The following CMTM7 variants were observed in gnomAD, a reference collection of about 807,000 sequenced individuals.
CMTM7 encodes CKLF like MARVEL transmembrane domain containing 7, also known as CKLF-like MARVEL transmembrane domain-containing protein 7.
In CMTM7, 7 loss-of-function variants were observed where a neutral mutation model predicts 19.3. The ratio of observed to expected loss-of-function variants is 0.36; its 90% CI spans 0.21 to 0.68. CMTM7 has a LOEUF of 0.68. Ranked by LOEUF, CMTM7 falls within the 30% of genes least tolerant of loss-of-function variation. The probability of loss-of-function intolerance (pLI) is 0.60; values close to 1 mark genes in which losing one functional copy is unlikely to be tolerated. For missense variants in CMTM7, 193 were observed against 232.6 expected (o/e 0.83, Z 1.11); for synonymous variants, 87 against 99.3 (o/e 0.88, Z 0.74).
intron 1 of CMTM7, among the ~76,000 whole-genome samples, chr3:32,400,221 T>C (rs1371885451): frequency 2.0e-5 from 3 of 151,838 alleles, no homozygotes; most frequent in Non-Finnish European, 1.5e-5. Context: ...GGTTTCTCCA[T>C]GTTGGCCAGG....
At chr3:32,451,986 A>G in intron 3 of CMTM7, 1 of 915,434 alleles carries the variant, frequency 1.1e-6, no homozygotes. Flanking sequence ...GAACAACGCC[A>G]CTACACCACA....
At chr3:32,453,218 A>G (rs1696863004) in intron 4 of CMTM7, among the ~76,000 whole-genome samples, 1 of 152,078 alleles carries the variant, frequency 6.6e-6, no homozygotes. Context: ...AGGCAAGAGG[A>G]TCACCTGAGC....
At chr3:32,423,222 G>A (rs1161306205) in intron 1 of CMTM7, among the ~76,000 whole-genome samples, 1 of 152,176 alleles carries the variant, frequency 6.6e-6, no homozygotes, top group African/African-American at 2.4e-5. Flanking sequence ...AGTAGCTCGA[G>A]TAGAGAAAAG....
At chr3:32,447,042 A>T (rs12638540) in intron 2 of CMTM7, among the ~76,000 whole-genome samples, 1 of 152,116 alleles carries the variant, frequency 6.6e-6, no homozygotes, top group Non-Finnish European at 1.5e-5. Flanking sequence ...CTCCTTTAAT[A>T]TTGGCATTTA....
intron 1 of CMTM7, among the ~76,000 whole-genome samples, chr3:32,438,705 A>G (rs1470876858): frequency 6.6e-6 from 1 of 152,226 alleles, no homozygotes; most frequent in Non-Finnish European, 1.5e-5. Flanking sequence ...TTTCATGAGC[A>G]AGTTTCCCAG....
Position 32,406,302 on chromosome 3 carries a change from A to G in CMTM7, c.159+14237A>G, listed in dbSNP as rs183280905. ...CCTTTTGTTATCTAGCCGTGCTGTAATGGTTACTCTTGTACATATCATAGT... is the reference window on the plus strand; with the variant it reads ...CCTTTTGTTATCTAGCCGTGCTGTAGTGGTTACTCTTGTACATATCATAGT... On this transcript the variant is annotated intron_variant, in intron 1 of 4. Transcript: ENST00000334983. Among the ~76,000 whole-genome samples the G allele has an allele frequency of 1.1e-3, 172 of 152,272 alleles. 4 individuals are homozygous for G. The South Asian group carries it at 0.034, about 30-fold the overall frequency.
intron 1 of CMTM7, among the ~76,000 whole-genome samples, chr3:32,396,447 C>T (rs1481146492): frequency 2.6e-5 from 4 of 152,040 alleles, no homozygotes; most frequent in African/African-American, 9.7e-5. Context: ...GCAGAGGTTG[C>T]AGTGAGCTGA....
chr3:32,444,674 A>G (rs1696728663), intron 2 of CMTM7, among the ~76,000 whole-genome samples: 1 of 152,248 alleles, frequency 6.6e-6, no homozygotes, highest in South Asian at 2.1e-4. Context: ...ATCCATGAAC[A>G]TGGGAAGTTT....
At chr3:32,416,818 G>A (rs1696274202) in intron 1 of CMTM7, among the ~76,000 whole-genome samples, 1 of 151,370 alleles carries the variant, frequency 6.6e-6, no homozygotes, top group Non-Finnish European at 1.5e-5. Flanking sequence ...AGAAATTCCA[G>A]GGCAGAGAAA....
chr3:32,405,099 A>G (rs1449305957), intron 1 of CMTM7, among the ~76,000 whole-genome samples: 1 of 152,226 alleles, frequency 6.6e-6, no homozygotes, highest in East Asian at 1.9e-4. Context: ...CTATGGTTAC[A>G]AGAAACTGAA....
Position 32,440,070 on chromosome 3 carries a change from TACACACACAC to T in CMTM7, c.160-1743_160-1734del, listed in dbSNP as rs10526471. Among the ~76,000 whole-genome samples the T allele has an allele frequency of 8.6e-3, 1,292 of 150,174 alleles. 27 individuals are homozygous for T. Among genetic ancestry groups the T allele is most frequent in the African/African-American group, 0.029 (1,177 of 40,816 alleles). ...CACCCATACACTAACACCACACGCA[TACACACACAC>T]ACACACACACACACACACACACACA... On this transcript the variant is annotated intron_variant, in intron 1 of 4. Coordinates refer to ENST00000334983, the MANE Select transcript of CMTM7 (RefSeq NM_138410.4).
intron 1 of CMTM7, among the ~76,000 whole-genome samples, chr3:32,432,671 T>C (rs1451255005): frequency 6.6e-6 from 1 of 152,204 alleles, no homozygotes; most frequent in Non-Finnish European, 1.5e-5. Context: ...AGGAGAGTAA[T>C]AGTGCCTACC....
chr3:32,424,009 A>G (rs1696385080), intron 1 of CMTM7, among the ~76,000 whole-genome samples: 1 of 152,248 alleles, frequency 6.6e-6, no homozygotes, highest in Non-Finnish European at 1.5e-5. Flanking sequence ...CGGATTACTC[A>G]AAAATTTAAT....
chr3:32,418,746 A>G (rs926569483), intron 1 of CMTM7, among the ~76,000 whole-genome samples: 1 of 152,148 alleles, frequency 6.6e-6, no homozygotes, highest in African/African-American at 2.4e-5. Context: ...GTTTTGCTGC[A>G]TTCGTCTATT....
intron 1 of CMTM7, among the ~76,000 whole-genome samples, chr3:32,393,772 CA>C (rs34745605): frequency 0.11 from 10,342 of 92,388 alleles, 369 homozygotes; most frequent in Middle Eastern, 0.21. Context: ...AGGCCTGTCT[CA>C]AAAAAAAAAA....
At chr3:32,442,269 G>A (rs1696689583) in intron 2 of CMTM7, among the ~76,000 whole-genome samples, 1 of 151,930 alleles carries the variant, frequency 6.6e-6, no homozygotes, top group Admixed American at 6.6e-5. Context: ...CCAGCACTTT[G>A]GGAGGCTGAG....
chr3:32,441,910 T>C lies in CMTM7; in HGVS notation c.230T>C (p.Phe77Ser). 6.2e-7 allele frequency: 1 copy of C among 1,614,206 alleles called. No homozygotes were observed. Among genetic ancestry groups the C allele is most frequent in the Non-Finnish European group, 8.5e-7 (1 of 1,180,028 alleles). ...ACCAACTACAGCGCCTACAGCTACT[T>C]TGAAGTGGTCACCATTTGCGACTTG... ...LWTNYSAYSY[F>S]EVVTICDLIM... Residue 77 changes from phenylalanine to serine, a missense_variant, in exon 2 of 5, where the codon TTT (phenylalanine) becomes TCT (serine). Transcript: ENST00000334983.
chr3:32,400,402 T>TC (rs1203691562), intron 1 of CMTM7, among the ~76,000 whole-genome samples: 6 of 144,144 alleles, frequency 4.2e-5, no homozygotes, highest in Non-Finnish European at 7.6e-5. Context: ...TCTTCTTCTT[T>TC]TTTTTTTTTT....
chr3:32,424,349 G>A (rs1269776928), intron 1 of CMTM7, among the ~76,000 whole-genome samples: 1 of 152,166 alleles, frequency 6.6e-6, no homozygotes, highest in South Asian at 2.1e-4. Context: ...AGATCACGTC[G>A]TGTCACTTCC....
Sources: allele counts gnomAD v4.1 joint callset (sites outside exome capture counted in the v4.1 genomes callset), GRCh38; gene constraint gnomAD v4.1.1; transcripts MANE v1.5; gene names NCBI Gene and HGNC (gene_info 2026-07-23, HGNC 2026-07-21).